Variants in IQGAP2 observed in about 807,000 individuals in gnomAD.
The protein encoded by IQGAP2 is IQ motif containing GTPase activating protein 2, also known as ras GTPase-activating-like protein IQGAP2.
IQGAP2 carries 173 observed loss-of-function variants against 201.3 expected under a neutral mutation model. The observed-to-expected ratio is 0.86, with a 90% confidence interval of 0.76 to 0.98. The LOEUF is 0.98. IQGAP2 is among the 50% of genes least tolerant of loss of function. IQGAP2 has a pLI of 0.00. For synonymous variants in IQGAP2, 675 were observed against 673.9 expected, an observed-to-expected ratio of 1.00 and a Z score of -0.03; for missense variants, 1,687 against 1,864.8, an observed-to-expected ratio of 0.90 and a Z score of 1.76.
intron 12 of IQGAP2, chr5:76,609,032 A>G (rs1477058871): frequency 2.8e-6 from 4 of 1,452,864 alleles, no homozygotes; most frequent in South Asian, 1.2e-5. Flanking sequence ...GAAGTGATGC[A>G]TATGTTCCCA....
intron 30 of IQGAP2, among the ~76,000 whole-genome samples, chr5:76,685,531 C>T (rs1243156197): frequency 2.6e-5 from 4 of 152,178 alleles, no homozygotes; most frequent in Non-Finnish European, 4.4e-5. Context: ...TATTCCTGAA[C>T]ATGAGTCTGC....
Position 76,660,766 on chromosome 5 carries a change from T to C in IQGAP2, c.2529+2099T>C, listed in dbSNP as rs1233254494. Among the ~76,000 whole-genome samples, 4 of 152,336 alleles carry C rather than the reference T, an allele frequency of 2.6e-5. No individual in the cohort carries two copies. In the South Asian group the frequency reaches 8.3e-4, roughly 32 times the overall value. ...TTAATGATTATTAAATATGTAGCTGTTAGCCTTGTCATTGACAGAATATTA... is the reference window on the plus strand; with the variant it reads ...TTAATGATTATTAAATATGTAGCTGCTAGCCTTGTCATTGACAGAATATTA... On this transcript the variant is annotated intron_variant, in intron 21 of 35. Transcript: ENST00000274364.
chr5:76,457,841 G>C (rs1238740205), intron 1 of IQGAP2, among the ~76,000 whole-genome samples: 1 of 152,186 alleles, frequency 6.6e-6, no homozygotes, highest in Non-Finnish European at 1.5e-5. Context: ...AATTTTCATA[G>C]AATGCAATTG....
chr5:76,521,818 T>C (rs1580374939), intron 2 of IQGAP2, among the ~76,000 whole-genome samples: 1 of 152,210 alleles, frequency 6.6e-6, no homozygotes, highest in Non-Finnish European at 1.5e-5. Flanking sequence ...TCTGGTTCTA[T>C]AGATCTGGGA....
At chr5:76,551,384 C>A (rs1398520453) in intron 2 of IQGAP2, among the ~76,000 whole-genome samples, 6 of 149,772 alleles carry the variant, frequency 4.0e-5, no homozygotes, top group Non-Finnish European at 7.4e-5. Flanking sequence ...GGCGGCCGGG[C>A]AGAGGGGCTC....
chr5:76,672,580 T>C (rs1017634275), intron 24 of IQGAP2, among the ~76,000 whole-genome samples: 1 of 152,222 alleles, frequency 6.6e-6, no homozygotes, highest in Non-Finnish European at 1.5e-5. Context: ...GTATTTGGAA[T>C]CGTGGTATAG....
chr5:76,483,335 T>C (rs192522417), intron 2 of IQGAP2, among the ~76,000 whole-genome samples: 16 of 152,328 alleles, frequency 1.1e-4, no homozygotes, highest in Admixed American at 2.6e-4. Flanking sequence ...AGGAGACCTC[T>C]TTTTAAACCT....
chr5:76,582,982 T>A (rs1440218560), intron 5 of IQGAP2, among the ~76,000 whole-genome samples: 1 of 152,202 alleles, frequency 6.6e-6, no homozygotes, highest in African/African-American at 2.4e-5. Context: ...GTGCTGTAGC[T>A]TTTGGTGTGG....
chr5:76,667,877 CTTTTTTTTTTTTT>C (rs540744402), intron 22 of IQGAP2, among the ~76,000 whole-genome samples: 1 of 123,418 alleles, frequency 8.1e-6, no homozygotes, highest in African/African-American at 3.1e-5. Context: ...AGTCCACTTT[CTTTTTTTTTTTTT>C]TTTTTTTTTT....
chr5:76,535,836 G>A (rs1193731608), intron 2 of IQGAP2, among the ~76,000 whole-genome samples: 2 of 152,202 alleles, frequency 1.3e-5, no homozygotes, highest in African/African-American at 4.8e-5. Flanking sequence ...TTAATACAAT[G>A]TAAATTACAG....
chr5:76,661,473 A>C (rs910163649), intron 21 of IQGAP2, among the ~76,000 whole-genome samples: 1 of 152,208 alleles, frequency 6.6e-6, no homozygotes, highest in Non-Finnish European at 1.5e-5. Flanking sequence ...CCCATTCATG[A>C]GTATGATGTA....
chr5:76,496,141 G>A (rs116340770), intron 2 of IQGAP2, among the ~76,000 whole-genome samples: 3,355 of 152,230 alleles, frequency 0.022, 149 homozygotes, highest in African/African-American at 0.077. Context: ...CACTTTACAG[G>A]GAATGACTAC....
At chr5:76,618,405 T>C in intron 13 of IQGAP2, 2 of 1,613,940 alleles carry the variant, frequency 1.2e-6, no homozygotes, top group Non-Finnish European at 1.7e-6. Flanking sequence ...CACCAGGAGG[T>C]AGATGGCAGG....
chr5:76,575,340 G>A (rs1417121324), intron 4 of IQGAP2, among the ~76,000 whole-genome samples: 2 of 152,174 alleles, frequency 1.3e-5, no homozygotes, highest in Admixed American at 6.5e-5. Flanking sequence ...AGGCCCATGG[G>A]ACCTCTGGGA....
chr5:76,406,865 G>A (rs887360886), intron 1 of IQGAP2, among the ~76,000 whole-genome samples: 2 of 152,186 alleles, frequency 1.3e-5, no homozygotes, highest in Non-Finnish European at 2.9e-5. Flanking sequence ...GAGATACATT[G>A]TACAAAAATT....
chr5:76,489,126 G>C (rs887051590), intron 2 of IQGAP2, among the ~76,000 whole-genome samples: 1 of 152,074 alleles, frequency 6.6e-6, no homozygotes, highest in African/African-American at 2.4e-5. Flanking sequence ...CTCTCCCTCC[G>C]TGCCTCGCAG....
chr5:76,557,845 C>T (rs144896522), intron 2 of IQGAP2, among the ~76,000 whole-genome samples: 1,801 of 152,152 alleles, frequency 0.012, 27 homozygotes, highest in African/African-American at 0.04. Flanking sequence ...CTCACTCTGT[C>T]GCCCAGGCTG....
At chr5:76,520,918 A>G (rs1015530913) in intron 2 of IQGAP2, among the ~76,000 whole-genome samples, 11 of 151,642 alleles carry the variant, frequency 7.3e-5, no homozygotes, top group African/African-American at 2.7e-4. Context: ...CATGCTGGCC[A>G]GGCTGGTCTC....
At position 76,611,831 on chromosome 5, in the gene IQGAP2, A is replaced by G. The variant is rs566716701; in HGVS notation, c.1521+648A>G. Among the ~76,000 whole-genome samples, 6 of 152,266 alleles carry G rather than the reference A, an allele frequency of 3.9e-5. No individual in the cohort carries two copies. In the East Asian group the frequency reaches 9.7e-4, roughly 25 times the overall value. On this transcript the variant is annotated intron_variant, in intron 13 of 35. Coordinates refer to ENST00000274364, the MANE Select transcript of IQGAP2 (RefSeq NM_006633.5). ...AAGACTGGCCTCTGTGATAAGGCCA[A>G]TGGGCTGAGTGGTGAGGCTGATATG...
Sources: gnomAD v4.1 joint callset for allele counts (sites outside exome capture counted in the v4.1 genomes callset) on GRCh38, gnomAD v4.1.1 for gene constraint, MANE v1.5 for transcripts, NCBI Gene and HGNC (gene_info 2026-07-23, HGNC 2026-07-21) for gene names.